Variants in SF3B1 observed in about 807,000 individuals in gnomAD.
The protein encoded by SF3B1 is splicing factor 3b subunit 1.
In SF3B1, 12 loss-of-function variants were observed where a neutral mutation model predicts 153.8. The ratio of observed to expected loss-of-function variants is 0.08; its 90% CI spans 0.05 to 0.13. The LOEUF (loss-of-function observed/expected upper bound fraction) is 0.13, where lower values mean the gene tolerates loss of function less well. Among genes scored for constraint, SF3B1 ranks in the 10% least tolerant of loss-of-function variants. The pLI, the probability that SF3B1 is intolerant of heterozygous loss-of-function variation, is 1.00. For synonymous variants in SF3B1, 498 were observed against 525.2 expected (o/e 0.95, Z 0.71); for missense variants, 513 against 1,606.1 (o/e 0.32, Z 11.63).
At chr2:197,428,688 G>GT (rs2085373563) in intron 1 of SF3B1, among the ~76,000 whole-genome samples, 1 of 152,224 alleles carries the variant, frequency 6.6e-6, no homozygotes, top group African/African-American at 2.4e-5. Context: ...GAGATCAGGA[G>GT]TTCAAAGCCG....
chr2:197,423,985 A>T lies in SF3B1; in HGVS notation c.29-11T>A. ...TCTGTGCTTCAATATCTATAAAAAG[A>T]TAACACAGACTTTCTTAATTTCACT... is the stretch of plus-strand genomic sequence containing the variant. On this transcript the variant is annotated splice_polypyrimidine_tract_variant and intron_variant, in intron 1 of 24. Coordinates refer to ENST00000335508, the MANE Select transcript of SF3B1 (RefSeq NM_012433.4). The T allele has an allele frequency of 6.3e-7, 1 of 1,597,460 alleles. No individual in the cohort carries two copies.
At chr2:197,428,862 T>G (rs889172806) in intron 1 of SF3B1, among the ~76,000 whole-genome samples, 2 of 152,042 alleles carry the variant, frequency 1.3e-5, no homozygotes, top group Non-Finnish European at 2.9e-5. Context: ...AGCACTGCAC[T>G]CTGGCCTGGG....
Position 197,405,190 on chromosome 2 carries a change from GA to G in SF3B1, c.1438-14del, listed in dbSNP as rs1192414317. ...CATCAACATCAACCTATAGTAAAAA[GA>G]AAAAAATGTTAAGGGAAGTTGAAAT... On this transcript the variant is annotated splice_polypyrimidine_tract_variant and intron_variant, in intron 10 of 24. Transcript: ENST00000335508. 4 of 1,602,042 alleles carry G rather than the reference GA, an allele frequency of 2.5e-6. 1 individual carries two copies. In the South Asian group the frequency reaches 3.3e-5, roughly 13 times the overall value.
intron 22 of SF3B1, among the ~76,000 whole-genome samples, chr2:197,397,110 G>T (rs2084883754): frequency 1.3e-5 from 2 of 152,204 alleles, no homozygotes; most frequent in African/African-American, 4.8e-5. Context: ...AACCACCACA[G>T]ATTATCTCAC....
chr2:197,434,335 G>A (rs1389460188), intron 1 of SF3B1, among the ~76,000 whole-genome samples: 2 of 152,150 alleles, frequency 1.3e-5, no homozygotes. Context: ...GGCCATTAAT[G>A]AAAGTAATTT....
intron 1 of SF3B1, among the ~76,000 whole-genome samples, chr2:197,432,374 T>C (rs1394313216): frequency 1.3e-5 from 2 of 152,220 alleles, no homozygotes; most frequent in Non-Finnish European, 2.9e-5. Context: ...CAGCAGTATC[T>C]GAAGAACTGC....
intron 7 of SF3B1, chr2:197,408,796 G>A (rs1183981207): frequency 1.5e-5 from 8 of 527,234 alleles, no homozygotes; most frequent in South Asian, 6.4e-5. Context: ...GGTGGTGGGC[G>A]CTTGTAATCC....
At chr2:197,423,772 A>G in intron 2 of SF3B1, 36 bp downstream of exon 2, 6 of 1,599,916 alleles carry the variant, frequency 3.8e-6, no homozygotes, top group Non-Finnish European at 4.3e-6. Context: ...CTCTCTCAAA[A>G]AAATAACTGC....
intron 2 of SF3B1, among the ~76,000 whole-genome samples, chr2:197,422,843 T>C (rs367967056): frequency 7.2e-5 from 11 of 151,872 alleles, no homozygotes; most frequent in South Asian, 6.2e-4. Flanking sequence ...TAAGCCAAGA[T>C]TGCACCACTG....
intron 6 of SF3B1, 24 bp downstream of exon 6, chr2:197,416,717 T>A (rs1297783422): frequency 6.3e-7 from 1 of 1,594,360 alleles, no homozygotes; most frequent in African/African-American, 1.4e-5. Flanking sequence ...TTAACAGTAA[T>A]AACAAAAAAC....
intron 23 of SF3B1, among the ~76,000 whole-genome samples, chr2:197,394,213 T>C (rs891796982): frequency 1.4e-4 from 21 of 152,252 alleles, no homozygotes; most frequent in African/African-American, 4.8e-4. Flanking sequence ...ATTTTTCTTT[T>C]TTATTGTTAT....
chr2:197,433,946 ATGC>A (rs1232527025), intron 1 of SF3B1, among the ~76,000 whole-genome samples: 2 of 152,238 alleles, frequency 1.3e-5, no homozygotes, highest in African/African-American at 2.4e-5. Flanking sequence ...TTCCCAGAAC[ATGC>A]TGCTTTTTCT....
intron 6 of SF3B1, among the ~76,000 whole-genome samples, chr2:197,413,173 G>A (rs1319086151): frequency 6.6e-6 from 1 of 152,062 alleles, no homozygotes; most frequent in Non-Finnish European, 1.5e-5. Flanking sequence ...GGCCAAGGTG[G>A]GGGGATCACT....
rs2084822988 is a variant in SF3B1, at chr2:197,392,575, G to GC, written c.3757-115_3757-114insG. The GC allele has an allele frequency of 2.5e-5, 8 of 314,710 alleles. 1 individual carries two copies. The highest frequency in any genetic ancestry group is 7.8e-5 in the East Asian group (1 of 12,762). The allele number at this position is 314,710 out of a possible 1,614,324, so 19.5% of individuals were successfully genotyped here. On this transcript the variant is annotated intron_variant, in intron 24 of 24. Coordinates refer to ENST00000335508, the MANE Select transcript of SF3B1 (RefSeq NM_012433.4). ...AATTATTTCCCTTGGGGAGTTGGGG[G>GC]GGGGGGAACCTACTAATTACACTGC... is the stretch of plus-strand genomic sequence containing the variant.
chr2:197,418,418 C>T (rs1309892750), intron 5 of SF3B1, 91 bp downstream of exon 5: 4 of 926,698 alleles, frequency 4.3e-6, no homozygotes, highest in Non-Finnish European at 6.5e-6. Context: ...ATTTGTGCAG[C>T]AAATAGCAAA....
intron 1 of SF3B1, among the ~76,000 whole-genome samples, chr2:197,430,038 G>C (rs1300742674): frequency 6.6e-6 from 1 of 152,136 alleles, no homozygotes; most frequent in Non-Finnish European, 1.5e-5. Flanking sequence ...GAAAAAGAAA[G>C]AGACAGGAGG....
chr2:197,395,731 C>T (rs1396627643), intron 23 of SF3B1, among the ~76,000 whole-genome samples: 1 of 152,190 alleles, frequency 6.6e-6, no homozygotes, highest in African/African-American at 2.4e-5. Flanking sequence ...CCATTAGCTT[C>T]TGCTCATCAT....
At chr2:197,429,286 C>A (rs2085387774) in intron 1 of SF3B1, among the ~76,000 whole-genome samples, 1 of 152,200 alleles carries the variant, frequency 6.6e-6, no homozygotes, top group Non-Finnish European at 1.5e-5. Flanking sequence ...CACTCTTTAA[C>A]CCATTTAAAC....
chr2:197,426,488 C>T (rs1011290383), intron 1 of SF3B1, among the ~76,000 whole-genome samples: 3 of 151,972 alleles, frequency 2.0e-5, no homozygotes, highest in Admixed American at 6.6e-5. Context: ...ACCACAGGTG[C>T]ATTTATCACT....
Sources: gnomAD v4.1 joint callset for allele counts (sites outside exome capture counted in the v4.1 genomes callset) on GRCh38, gnomAD v4.1.1 for gene constraint, MANE v1.5 for transcripts, NCBI Gene and HGNC (gene_info 2026-07-23, HGNC 2026-07-21) for gene names.